The following NSMCE2 variants were observed in gnomAD, a reference collection of about 807,000 sequenced individuals.
NSMCE2 encodes the protein NSE2 SUMO ligase component of SMC5/6 complex.
A neutral mutation model predicts 23.8 loss-of-function variants in NSMCE2; 24 were observed. The observed-to-expected ratio is 1.01, with a 90% CI of 0.73 to 1.42. The LOEUF (loss-of-function observed/expected upper bound fraction) is 1.42, where lower values mean the gene tolerates loss of function less well. Ranked by LOEUF, NSMCE2 falls within the 40% of genes most tolerant of loss-of-function variation. The pLI, the probability that NSMCE2 is intolerant of heterozygous loss-of-function variation, is 0.00. For synonymous variants in NSMCE2, 92 were observed against 94.1 expected, an observed-to-expected ratio of 0.98 and a Z score of 0.13; for missense variants, 284 against 296.5, an observed-to-expected ratio of 0.96 and a Z score of 0.31.
chr8:125,284,949 G>A (rs1004590297), intron 5 of NSMCE2, among the ~76,000 whole-genome samples: 5 of 152,064 alleles, frequency 3.3e-5, no homozygotes, highest in African/African-American at 9.7e-5. Context: ...AAAATCTTAC[G>A]AAAATCTACA....
chr8:125,110,728 G>C (rs1818691495), intron 3 of NSMCE2, among the ~76,000 whole-genome samples: 1 of 148,404 alleles, frequency 6.7e-6, no homozygotes, highest in South Asian at 2.1e-4. Flanking sequence ...ATGACATTTA[G>C]CGACGTTTTG....
intron 3 of NSMCE2, among the ~76,000 whole-genome samples, chr8:125,109,918 A>AT (rs1818647075): frequency 1.3e-5 from 2 of 151,828 alleles, no homozygotes; most frequent in African/African-American, 4.8e-5. Flanking sequence ...ACATTAGGAG[A>AT]TTTTTTTTGA....
intron 7 of NSMCE2, among the ~76,000 whole-genome samples, chr8:125,361,675 A>C (rs1370656338): frequency 6.6e-6 from 1 of 152,200 alleles, no homozygotes; most frequent in Non-Finnish European, 1.5e-5. Flanking sequence ...TAGCAAAAGC[A>C]CTTAGTTGAA....
intron 5 of NSMCE2, among the ~76,000 whole-genome samples, chr8:125,200,055 G>A (rs895699639): frequency 3.9e-5 from 6 of 152,042 alleles, no homozygotes; most frequent in Admixed American, 2.0e-4. Flanking sequence ...TTTATTTTGA[G>A]CCTATGTGTG....
At chr8:125,364,583 T>C (rs1365331394) in intron 7 of NSMCE2, among the ~76,000 whole-genome samples, 3 of 152,262 alleles carry the variant, frequency 2.0e-5, no homozygotes, top group Non-Finnish European at 4.4e-5. Context: ...GAACCTAGCA[T>C]AGGGCTGATC....
Position 125,217,562 on chromosome 8 carries a change from T to G in NSMCE2, c.418+35306T>G, listed in dbSNP as rs534814003. Among the ~76,000 whole-genome samples, 62 of 152,170 alleles carry G rather than the reference T, an allele frequency of 4.1e-4. 1 individual carries two copies. The highest frequency in any genetic ancestry group is 3.4e-3 in the Middle Eastern group (1 of 294). On this transcript the variant is annotated intron_variant, in intron 5 of 7. Coordinates refer to ENST00000287437, the MANE Select transcript of NSMCE2 (RefSeq NM_173685.4). Reference sequence around the variant, plus strand: ...TTTGTATTTTTAATAGAGACAGGGTTTCACTGTGTTAGCCAGGATGGTCTG... The same window carrying G: ...TTTGTATTTTTAATAGAGACAGGGTGTCACTGTGTTAGCCAGGATGGTCTG...
At chr8:125,314,682 A>C (rs1347053172) in intron 5 of NSMCE2, among the ~76,000 whole-genome samples, 1 of 152,208 alleles carries the variant, frequency 6.6e-6, no homozygotes, top group Admixed American at 6.5e-5. Context: ...CACCTCTGGA[A>C]GTGGAGCTGT....
chr8:125,344,055 A>G (rs1354147651), intron 5 of NSMCE2, among the ~76,000 whole-genome samples: 1 of 152,166 alleles, frequency 6.6e-6, no homozygotes, highest in African/African-American at 2.4e-5. Flanking sequence ...ATACATCTAG[A>G]AAATACAAGG....
intron 5 of NSMCE2, among the ~76,000 whole-genome samples, chr8:125,345,909 A>G (rs928503624): frequency 6.6e-6 from 1 of 152,178 alleles, no homozygotes; most frequent in African/African-American, 2.4e-5. Flanking sequence ...TAATCCCAGC[A>G]CTTTGGGAGG....
At chr8:125,246,762 A>G (rs187106060) in intron 5 of NSMCE2, among the ~76,000 whole-genome samples, 3 of 152,276 alleles carry the variant, frequency 2.0e-5, no homozygotes, top group East Asian at 3.9e-4. Flanking sequence ...TTATTGAGGT[A>G]TGATTGAAAA....
chr8:125,105,070 GCAAGACTT>G (rs2130380159), intron 3 of NSMCE2, among the ~76,000 whole-genome samples: 1 of 152,276 alleles, frequency 6.6e-6, no homozygotes, highest in Non-Finnish European at 1.5e-5. Flanking sequence ...GGAGGCCATT[GCAAGACTT>G]TTCCCAGTTT....
At chr8:125,229,643 T>G (rs1825240363) in intron 5 of NSMCE2, among the ~76,000 whole-genome samples, 1 of 152,206 alleles carries the variant, frequency 6.6e-6, no homozygotes, top group Non-Finnish European at 1.5e-5. Context: ...ATGTTCTAGA[T>G]GAAATTCAGT....
At chr8:125,116,726 T>C (rs1819022257) in intron 3 of NSMCE2, among the ~76,000 whole-genome samples, 1 of 152,152 alleles carries the variant, frequency 6.6e-6, no homozygotes. Flanking sequence ...AGTCTTGAGC[T>C]TGCAAGGCTA....
rs1449033427 is a variant in NSMCE2, at chr8:125,147,132, G to A, written c.158-4039G>A. Among the ~76,000 whole-genome samples the A allele has an allele frequency of 2.0e-5, 3 of 152,268 alleles. No homozygotes were observed. The South Asian group carries it at 6.2e-4, about 32-fold the overall frequency. On this transcript the variant is annotated intron_variant, in intron 3 of 7. Coordinates refer to ENST00000287437, the MANE Select transcript of NSMCE2 (RefSeq NM_173685.4). ...CTTTTCTCTCTGGAGTCATCATTCTGTGAATTTGAACATCGTTGTGTGATT... is the reference window on the plus strand; with the variant it reads ...CTTTTCTCTCTGGAGTCATCATTCTATGAATTTGAACATCGTTGTGTGATT...
chr8:125,366,773 C>A lies in NSMCE2; in HGVS notation c.632C>A (p.Pro211His). The A allele has an allele frequency of 6.2e-7, 1 of 1,600,862 alleles. No individual in the cohort carries two copies. Among genetic ancestry groups the A allele is most frequent in the South Asian group, 1.1e-5 (1 of 90,742 alleles). Residue 211 changes from proline to histidine, a missense_variant, in exon 8 of 8, where the codon CCT becomes CAT. Physicochemically the swap from Pro to His is moderately conservative, Grantham distance 77 (BLOSUM62 -2). Around this residue, in one of 2 missense-constraint regions of NSMCE2, gnomAD observed 102 missense variants for 141.0 expected, o/e 0.72. Transcript: ENST00000287437. The stretch of plus-strand genomic sequence containing the variant: ...ATGTTCTTTCTTTCTCACAGTTGCC[C>A]TCAAATTGGCTGTAGCCACACGGAT... ...RQKRKKKAYC[P>H]QIGCSHTDIR...
intron 5 of NSMCE2, among the ~76,000 whole-genome samples, chr8:125,331,996 A>G (rs1299168298): frequency 1.3e-5 from 2 of 152,144 alleles, no homozygotes; most frequent in Non-Finnish European, 2.9e-5. Flanking sequence ...AATCTATTTA[A>G]TTCTCACAAC....
At chr8:125,142,687 C>G (rs1183614396) in intron 3 of NSMCE2, among the ~76,000 whole-genome samples, 1 of 152,090 alleles carries the variant, frequency 6.6e-6, no homozygotes, top group Non-Finnish European at 1.5e-5. Context: ...TCACCACAAC[C>G]TCCACCTCCC....
chr8:125,166,973 G>T (rs770916355), intron 4 of NSMCE2, among the ~76,000 whole-genome samples: 1 of 152,202 alleles, frequency 6.6e-6, no homozygotes, highest in Non-Finnish European at 1.5e-5. Context: ...AGGTGCCACT[G>T]CACTCCAGCC....
intron 5 of NSMCE2, among the ~76,000 whole-genome samples, chr8:125,337,100 G>A (rs1830083572): frequency 6.6e-6 from 1 of 152,182 alleles, no homozygotes; most frequent in South Asian, 2.1e-4. Flanking sequence ...TATAATTTGA[G>A]AAAATGGGGT....
Sources: gnomAD v4.1 joint callset for allele counts (sites outside exome capture counted in the v4.1 genomes callset) on GRCh38, gnomAD v4.1.1 for gene constraint, gnomAD v4.1.1 regional missense constraint, MANE v1.5 for transcripts, NCBI Gene and HGNC (gene_info 2026-07-23, HGNC 2026-07-21) for gene names.